The following TRIM44 variants were observed in gnomAD, a reference collection of about 807,000 sequenced individuals.
The protein encoded by TRIM44 is tripartite motif containing 44.
A neutral mutation model predicts 37.4 loss-of-function variants in TRIM44; 13 were observed. The observed-to-expected ratio is 0.35, with a 90% confidence interval of 0.23 to 0.55. The LOEUF is 0.55. Among genes scored for constraint, TRIM44 ranks in the 20% least tolerant of loss-of-function variants. The pLI, the probability that TRIM44 is intolerant of heterozygous loss-of-function variation, is 0.89. For missense variants in TRIM44, 426 were observed against 437.2 expected (o/e 0.97, Z 0.23); for synonymous variants, 175 against 157.2 (o/e 1.11, Z -0.85).
chr11:35,777,209 G>A (rs1342337449), intron 4 of TRIM44, among the ~76,000 whole-genome samples: 10 of 152,064 alleles, frequency 6.6e-5, no homozygotes, highest in Non-Finnish European at 1.0e-4. Context: ...CCATTATGTA[G>A]TGGCCTTCTT....
intron 2 of TRIM44, among the ~76,000 whole-genome samples, chr11:35,701,138 C>A (rs961993461): frequency 5.3e-5 from 8 of 152,086 alleles, no homozygotes; most frequent in African/African-American, 1.9e-4. Flanking sequence ...CAAAACAAGT[C>A]CCCCAAAATT....
chr11:35,773,480 T>A (rs571588796), intron 4 of TRIM44, among the ~76,000 whole-genome samples: 7 of 152,332 alleles, frequency 4.6e-5, no homozygotes, highest in Admixed American at 1.3e-4. Context: ...AGCTCTTTTT[T>A]AATTATTATA....
intron 2 of TRIM44, among the ~76,000 whole-genome samples, chr11:35,706,917 A>G (rs56370417): frequency 0.18 from 26,838 of 148,910 alleles, 2,578 homozygotes; most frequent in East Asian, 0.3. Flanking sequence ...GGCCAGGGCA[A>G]TTAGGCAGGA....
intron 1 of TRIM44, among the ~76,000 whole-genome samples, chr11:35,677,775 T>G (rs890349063): frequency 6.6e-6 from 1 of 151,942 alleles, no homozygotes; most frequent in South Asian, 2.1e-4. Flanking sequence ...TCATGGAATT[T>G]ATAATCTTTG....
At chr11:35,723,343 T>G (rs1009535259) in intron 2 of TRIM44, among the ~76,000 whole-genome samples, 9 of 152,244 alleles carry the variant, frequency 5.9e-5, no homozygotes, top group Non-Finnish European at 1.2e-4. Flanking sequence ...CAGTGCTATG[T>G]TATAATTTCA....
intron 4 of TRIM44, among the ~76,000 whole-genome samples, chr11:35,761,122 A>G (rs1229703894): frequency 6.6e-6 from 1 of 152,106 alleles, no homozygotes. Flanking sequence ...AAATGGCAGG[A>G]TTTCCCTTTT....
At chr11:35,729,560 T>C (rs1410233736) in intron 3 of TRIM44, among the ~76,000 whole-genome samples, 2 of 152,172 alleles carry the variant, frequency 1.3e-5, no homozygotes, top group East Asian at 1.9e-4. Context: ...GAGTCAGTTA[T>C]TGGAATTTTA....
chr11:35,724,529 CATA>C (rs1471171318), intron 2 of TRIM44, among the ~76,000 whole-genome samples: 24 of 152,224 alleles, frequency 1.6e-4, no homozygotes, highest in African/African-American at 5.8e-4. Flanking sequence ...CAGCTACACT[CATA>C]ATATGCATAG....
chr11:35,757,064 T>C (rs1382895816), intron 4 of TRIM44, among the ~76,000 whole-genome samples: 1 of 152,224 alleles, frequency 6.6e-6, no homozygotes, highest in African/African-American at 2.4e-5. Flanking sequence ...TTGATTGGAA[T>C]AGTTTCAGAA....
chr11:35,677,979 GGACA>G (rs1200976329), intron 1 of TRIM44, among the ~76,000 whole-genome samples: 1 of 152,140 alleles, frequency 6.6e-6, no homozygotes, highest in Non-Finnish European at 1.5e-5. Context: ...GAAGCTCTAG[GGACA>G]TAGTGGTTCA....
rs1275030760 is a variant in TRIM44 at position 35,663,305 on chromosome 11, A to G, written c.194A>G (p.Gln65Arg). 2 of 1,614,098 alleles carry G rather than the reference A, an allele frequency of 1.2e-6. No individual in the cohort carries two copies. The highest frequency in any genetic ancestry group is 8.5e-7 in the Non-Finnish European group (1 of 1,180,008). Reference protein sequence around the residue: ...HHLAEYVHGSQAWTPPADGEG... With the variant: ...HHLAEYVHGSRAWTPPADGEG... ...CTGGCCGAATACGTCCACGGCTCCC[A>G]GGCCTGGACCCCGCCAGCTGACGGA... The change falls in exon 1 of 5, where the codon CAG becomes CGG. Residue 65 changes from glutamine (Q) to arginine (R), a missense_variant. Transcript: ENST00000299413.
chr11:35,682,047 C>T (rs1481518758), intron 1 of TRIM44, among the ~76,000 whole-genome samples: 3 of 149,972 alleles, frequency 2.0e-5, no homozygotes, highest in African/African-American at 7.4e-5. Context: ...TAGCCTCTGC[C>T]TCCCAGGTTC....
chr11:35,681,167 T>A (rs933273072), intron 1 of TRIM44, among the ~76,000 whole-genome samples: 2 of 152,234 alleles, frequency 1.3e-5, no homozygotes, highest in African/African-American at 4.8e-5. Context: ...TTAGTTATTG[T>A]ATTACTGTGA....
chr11:35,728,092 G>A (rs12421230), intron 3 of TRIM44, among the ~76,000 whole-genome samples: 3,620 of 152,298 alleles, frequency 0.024, 75 homozygotes, highest in South Asian at 0.13. Flanking sequence ...TTGGCAGGCC[G>A]AGGTGGGAGG....
At chr11:35,785,063 A>G (rs1590599354) in intron 4 of TRIM44, among the ~76,000 whole-genome samples, 1 of 152,318 alleles carries the variant, frequency 6.6e-6, no homozygotes, top group East Asian at 1.9e-4. Context: ...AGCTACAAAT[A>G]CTTGTCCTGT....
intron 2 of TRIM44, among the ~76,000 whole-genome samples, chr11:35,721,030 A>C (rs1852100840): frequency 6.6e-6 from 1 of 151,558 alleles, no homozygotes; most frequent in Admixed American, 6.6e-5. Flanking sequence ...CAGCCTCCTG[A>C]GTAGCTGGGA....
chr11:35,663,499 G>A lies in TRIM44; in HGVS notation c.388G>A (p.Glu130Lys), dbSNP rs1828895278. The A allele has an allele frequency of 6.3e-7, 1 of 1,583,104 alleles. No homozygotes were observed. The highest frequency in any genetic ancestry group is 1.3e-5 in the African/African-American group (1 of 74,132). Residue 130 changes from glutamate to lysine, a missense_variant, in exon 1 of 5, where the codon GAG (glutamate) becomes AAG (lysine). Glu to Lys is a moderately conservative substitution (Grantham distance 56). Around this residue, in one of 2 missense-constraint regions of TRIM44, gnomAD observed 331 missense variants for 303.0 expected, o/e 1.09. Coordinates refer to ENST00000299413, the MANE Select transcript of TRIM44 (RefSeq NM_017583.6). The stretch of plus-strand genomic sequence containing the variant: ...CGATGAGGAGAGTGAAGAAGACAGC[G>A]AGGAAGAAATGGAGGATGAGCAAGA... ...ESDEESEEDSEEEMEDEQESE... is the reference protein window; with the variant it reads ...ESDEESEEDSKEEMEDEQESE...
intron 2 of TRIM44, among the ~76,000 whole-genome samples, chr11:35,721,463 ATTAT>A (rs1302519945): frequency 2.0e-5 from 3 of 152,212 alleles, no homozygotes; most frequent in African/African-American, 7.2e-5. Flanking sequence ...ATACCATTAT[ATTAT>A]TTCATTGAGT....
chr11:35,668,682 G>A lies in TRIM44; in HGVS notation c.669+4902G>A, dbSNP rs75843300. ...AGCACTGCAGTGAACATACACGTGC[G>A]TGTATCTGTGTAATAAAATAATCTA... On this transcript the variant is annotated intron_variant, in intron 1 of 4. Transcript: ENST00000299413. 6.9e-3 allele frequency among the ~76,000 whole-genome samples: 1,051 copies of A among 152,272 alleles called. 3 individuals are homozygous for A. The highest frequency in any genetic ancestry group is 8.5e-3 in the Non-Finnish European group (577 of 68,028).
Sources: gnomAD v4.1 joint callset for allele counts (sites outside exome capture counted in the v4.1 genomes callset) on GRCh38, gnomAD v4.1.1 for gene constraint, gnomAD v4.1.1 regional missense constraint, MANE v1.5 for transcripts, NCBI Gene and HGNC (gene_info 2026-07-23, HGNC 2026-07-21) for gene names.